Variants in MTARC2 observed in about 807,000 individuals in gnomAD.
The protein encoded by MTARC2 is mitochondrial amidoxime reducing component 2.
In MTARC2, 27 loss-of-function variants were observed where a neutral mutation model predicts 35.6. That is an observed-to-expected ratio of 0.76 (90% CI 0.56 to 1.04). The LOEUF (loss-of-function observed/expected upper bound fraction) is 1.04. MTARC2 is among the 50% of genes least tolerant of loss of function. The probability of loss-of-function intolerance (pLI) is 0.00; values close to 1 mark genes in which losing one functional copy is unlikely to be tolerated. For synonymous variants in MTARC2, 158 were observed against 167.1 expected, an observed-to-expected ratio of 0.95 and a Z score of 0.42; for missense variants, 412 against 432.5, an observed-to-expected ratio of 0.95 and a Z score of 0.42.
chr1:220,781,050 A>G (rs986617392), intron 6 of MTARC2, among the ~76,000 whole-genome samples: 2 of 146,572 alleles, frequency 1.4e-5, no homozygotes, highest in Non-Finnish European at 3.0e-5. Flanking sequence ...GGCTGACTTT[A>G]GTTCCCAACG....
chr1:220,774,934 T>C (rs1345470639), intron 4 of MTARC2, among the ~76,000 whole-genome samples: 1 of 147,000 alleles, frequency 6.8e-6, no homozygotes, highest in Non-Finnish European at 1.5e-5. Context: ...ATTGTGTGTC[T>C]ATATAGACCC....
chr1:220,766,966 A>G lies in MTARC2; in HGVS notation c.750+3916A>G, dbSNP rs117020371. Among the ~76,000 whole-genome samples the G allele has an allele frequency of 3.4e-3, 493 of 143,538 alleles. 22 individuals carry two copies. In the East Asian group the frequency reaches 0.085, roughly 25 times the overall value. 94.2% of individuals were successfully genotyped at this position (143,538 alleles called of 152,430 possible). A position where few individuals can be genotyped will look rare whatever the true frequency, so the allele number is the denominator to read the frequency against. On this transcript the variant is annotated intron_variant, in intron 4 of 7. Coordinates refer to ENST00000366913, the MANE Select transcript of MTARC2 (RefSeq NM_017898.5). ...GACCAGCCTTGGGCAACATGGTGAA[A>G]CCCCACCTCTACAAAAAAAAAAAAA... is the stretch of plus-strand genomic sequence containing the variant.
At chr1:220,771,008 C>G (rs1486904051) in intron 4 of MTARC2, among the ~76,000 whole-genome samples, 1 of 152,134 alleles carries the variant, frequency 6.6e-6, no homozygotes, top group Non-Finnish European at 1.5e-5. Flanking sequence ...TCTAAAAAAG[C>G]CTTAGGCAGT....
intron 2 of MTARC2, among the ~76,000 whole-genome samples, chr1:220,755,350 T>C (rs449699): frequency 0.046 from 7,073 of 152,112 alleles, 435 homozygotes; most frequent in African/African-American, 0.14. Flanking sequence ...CACGCAGACA[T>C]AGAAATGACT....
intron 2 of MTARC2, among the ~76,000 whole-genome samples, chr1:220,755,720 T>C (rs1047116790): frequency 6.6e-6 from 1 of 152,138 alleles, no homozygotes; most frequent in Admixed American, 6.6e-5. Context: ...ACAGGCACAC[T>C]TGCAGGTCAT....
intron 4 of MTARC2, among the ~76,000 whole-genome samples, chr1:220,777,244 A>G (rs1249182365): frequency 2.6e-5 from 4 of 152,332 alleles, no homozygotes; most frequent in Admixed American, 2.6e-4. Flanking sequence ...TCCTTACTTT[A>G]GTCTCTAGCT....
intron 2 of MTARC2, among the ~76,000 whole-genome samples, chr1:220,759,992 G>A (rs1047901854): frequency 2.6e-5 from 4 of 152,106 alleles, no homozygotes; most frequent in Non-Finnish European, 5.9e-5. Context: ...ATCGCCTCAG[G>A]AGTCCTCACA....
intron 4 of MTARC2, among the ~76,000 whole-genome samples, chr1:220,773,308 TG>T (rs1671796359): frequency 6.6e-6 from 1 of 152,110 alleles, no homozygotes; most frequent in Admixed American, 6.6e-5. Context: ...GAGAACACAT[TG>T]AAGTTCTGGG....
chr1:220,770,452 G>A, intron 4 of MTARC2: 1 of 985,382 alleles, frequency 1.0e-6, no homozygotes, highest in Non-Finnish European at 1.2e-6. Flanking sequence ...ATACGTGAAC[G>A]CACGCTTATC....
intron 4 of MTARC2, among the ~76,000 whole-genome samples, chr1:220,779,060 C>T (rs866637937): frequency 2.0e-5 from 3 of 152,118 alleles, no homozygotes; most frequent in Non-Finnish European, 4.4e-5. Context: ...ATGCATTTCT[C>T]CTGTTGATCT....
intron 2 of MTARC2, among the ~76,000 whole-genome samples, chr1:220,760,961 G>A (rs1471658989): frequency 6.6e-6 from 1 of 152,208 alleles, no homozygotes; most frequent in East Asian, 1.9e-4. Flanking sequence ...TTAAATGTCA[G>A]TGTTTAGAAT....
chr1:220,771,296 C>CAAAAAAAAAAAAAAA (rs57776178), intron 4 of MTARC2, among the ~76,000 whole-genome samples: 1 of 57,108 alleles, frequency 1.8e-5, no homozygotes, highest in Non-Finnish European at 3.3e-5. Context: ...GAGACTGTCT[C>CAAAAAAAAAAAAAAA]AAAAAAAAAA....
At chr1:220,783,041 A>T (rs1171800788) in intron 7 of MTARC2, among the ~76,000 whole-genome samples, 1 of 152,198 alleles carries the variant, frequency 6.6e-6, no homozygotes, top group Non-Finnish European at 1.5e-5. Context: ...TTTGCCTTTG[A>T]GGTGGGCAAA....
intron 1 of MTARC2, among the ~76,000 whole-genome samples, chr1:220,750,493 G>A (rs549033874): frequency 6.6e-6 from 1 of 152,276 alleles, no homozygotes; most frequent in African/African-American, 2.4e-5. Flanking sequence ...AAGAAAATAC[G>A]TGTCCTTTGC....
At position 220,752,794 on chromosome 1, in the gene MTARC2, C is replaced by T. The variant is rs368759443; in HGVS notation, c.273-2153C>T. The stretch of plus-strand genomic sequence containing the variant: ...CCCAGCAGTTCAAGGCTGCCATGAG[C>T]TAAGATCACGCCGCTGTACTCCAGA... On this transcript the variant is annotated intron_variant, in intron 1 of 7. Transcript: ENST00000366913. Among the ~76,000 whole-genome samples the T allele has an allele frequency of 1.3e-3, 193 of 152,152 alleles. 5 individuals are homozygous for T. In the South Asian group the frequency reaches 0.039, roughly 31 times the overall value.
intron 4 of MTARC2, among the ~76,000 whole-genome samples, chr1:220,765,227 G>A (rs1416931704): frequency 6.6e-6 from 1 of 152,166 alleles, no homozygotes; most frequent in Non-Finnish European, 1.5e-5. Context: ...GTGACAGGCA[G>A]TTGGGAGGCC....
At position 220,784,587 on chromosome 1, in the gene MTARC2, G is replaced by A. The variant is rs1437413859; in HGVS notation, c.*700G>A. 6.6e-6 allele frequency: 1 copy of A among 152,212 alleles called. No individual in the cohort carries two copies. Among genetic ancestry groups the A allele is most frequent in the Non-Finnish European group, 1.5e-5 (1 of 68,038 alleles). The allele number at this position is 152,212 out of a possible 1,614,324, so 9.4% of individuals were successfully genotyped here. A position where few individuals can be genotyped will look rare whatever the true frequency, so the allele number is the denominator to read the frequency against. On this transcript the variant is annotated 3_prime_UTR_variant, in exon 8 of 8. Transcript: ENST00000366913. ...CACCTGGAATTCCAAGTAAGATAAG[G>A]AAGAGGATGACATTTAAAAGAGAAT...
chr1:220,748,847 G>C (rs1442225556), intron 1 of MTARC2, 44 bp downstream of exon 1: 9 of 1,509,362 alleles, frequency 6.0e-6, no homozygotes, highest in Non-Finnish European at 7.9e-6. Context: ...GCCTGCCTGG[G>C]ATGAGGAGCG....
chr1:220,760,171 C>T (rs1246224961), intron 2 of MTARC2, among the ~76,000 whole-genome samples: 1 of 152,192 alleles, frequency 6.6e-6, no homozygotes, highest in Non-Finnish European at 1.5e-5. Context: ...GTCCACCCCA[C>T]ATCTTACTAG....
Sources: allele counts gnomAD v4.1 joint callset (sites outside exome capture counted in the v4.1 genomes callset), GRCh38; gene constraint gnomAD v4.1.1; transcripts MANE v1.5; gene names NCBI Gene and HGNC (gene_info 2026-07-23, HGNC 2026-07-21).